Variants in RP1 observed in about 807,000 individuals in gnomAD.
The protein encoded by RP1 is oxygen-regulated protein 1.
In RP1, 16 loss-of-function variants were observed where a neutral mutation model predicts 14.8. The ratio of observed to expected loss-of-function variants is 1.08; its 90% confidence interval spans 0.73 to 1.65. RP1 has a LOEUF of 1.65. Ranked by LOEUF, RP1 falls within the 40% of genes most tolerant of loss-of-function variation. The pLI is 0.00. For synonymous variants in RP1, 876 were observed against 883.6 expected, an observed-to-expected ratio of 0.99 and a Z score of 0.15; for missense variants, 2,631 against 2,535.0, an observed-to-expected ratio of 1.04 and a Z score of -0.81.
At chr8:54,799,562 C>T (rs1001537748) in intron 24 of RP1, among the ~76,000 whole-genome samples, 1 of 151,942 alleles carries the variant, frequency 6.6e-6, no homozygotes, top group African/African-American at 2.4e-5. Flanking sequence ...TTTTTCTCCC[C>T]TTTTCCTGCC....
intron 20 of RP1, chr8:54,755,032 C>T (rs1563366931): frequency 7.7e-7 from 1 of 1,294,320 alleles, no homozygotes; most frequent in Non-Finnish European, 1.0e-6. Flanking sequence ...GAATATTTTT[C>T]CTGCTTCTAA....
downstream of RP1, among the ~76,000 whole-genome samples, chr8:54,774,726 A>G (rs1809992501): frequency 6.6e-6 from 1 of 152,208 alleles, no homozygotes; most frequent in African/African-American, 2.4e-5. Context: ...TCAACATAGC[A>G]GTGGAACGGA....
intron 3 of RP1, among the ~76,000 whole-genome samples, chr8:54,648,594 C>T (rs1806594965): frequency 6.6e-6 from 1 of 151,756 alleles, no homozygotes; most frequent in South Asian, 2.1e-4. Context: ...AAAAAATATC[C>T]TAAAAGGCAT....
chr8:54,574,981 T>G (rs1804610853), intron 1 of RP1, among the ~76,000 whole-genome samples: 1 of 152,202 alleles, frequency 6.6e-6, no homozygotes, highest in African/African-American at 2.4e-5. Flanking sequence ...TTTCTATATT[T>G]TATATTGAAA....
intron 1 of RP1, among the ~76,000 whole-genome samples, chr8:54,565,948 C>G (rs929389977): frequency 6.6e-6 from 1 of 152,126 alleles, no homozygotes; most frequent in Non-Finnish European, 1.5e-5. Context: ...GGTGTGCTGG[C>G]CATCTTTGAC....
At chr8:54,664,293 T>C (rs1360787451) in intron 7 of RP1, among the ~76,000 whole-genome samples, 1 of 152,202 alleles carries the variant, frequency 6.6e-6, no homozygotes, top group Non-Finnish European at 1.5e-5. Context: ...ATGATTTCAT[T>C]GATTAATGGA....
chr8:54,734,746 T>C lies in RP1; in HGVS notation c.2721+2T>C. On this transcript the variant is annotated splice_donor_variant, in intron 18 of 22. Transcript: ENST00000636932. LOFTEE classifies it high-confidence loss of function. ...CCAGGACACGAGGATGAGTTTCAGG[T>C]AAACAACACTGGCAGTAATATTTTC... 6.6e-7 allele frequency: 1 copy of C among 1,526,004 alleles called. No individual in the cohort carries two copies. The highest frequency in any genetic ancestry group is 8.8e-7 in the Non-Finnish European group (1 of 1,141,518). 94.5% of individuals were successfully genotyped at this position (1,526,004 alleles called of 1,614,324 possible).
intron 28 of RP1, among the ~76,000 whole-genome samples, chr8:54,869,612 A>C (rs1352926915): frequency 6.6e-6 from 1 of 152,184 alleles, no homozygotes; most frequent in African/African-American, 2.4e-5. Context: ...TAAAAGCCAA[A>C]ATTTTAGAGT....
intron 7 of RP1, among the ~76,000 whole-genome samples, chr8:54,666,457 A>G (rs551499249): frequency 6.6e-6 from 1 of 151,978 alleles, no homozygotes; most frequent in Non-Finnish European, 1.5e-5. Context: ...TTCCAGAGGT[A>G]GGTAATTTAG....
chr8:54,576,196 A>G (rs1456607281), intron 1 of RP1, among the ~76,000 whole-genome samples: 1 of 151,854 alleles, frequency 6.6e-6, no homozygotes, highest in Non-Finnish European at 1.5e-5. Context: ...GCGCGCCACC[A>G]CGCCCGGCTA....
At chr8:54,810,909 G>A (rs1288590144) in intron 24 of RP1, among the ~76,000 whole-genome samples, 2 of 152,142 alleles carry the variant, frequency 1.3e-5, no homozygotes, top group Non-Finnish European at 2.9e-5. Context: ...AGTAGTAAGA[G>A]GTTCAAATCT....
Position 54,626,387 on chromosome 8 carries a change from A to G in RP1, c.2505A>G (p.Ala835=). The change falls in exon 4 of 4, where the codon GCA becomes GCG. Residue 835 remains alanine (A), a synonymous_variant. Transcript: ENST00000220676. ...ILEQKPKDFY[A]PQSQAEVASG... ...AGCAAAAACCCAAAGATTTTTATGC[A>G]CCGCAATCTCAAGCAGAAGTGGCAT... is the stretch of plus-strand genomic sequence containing the variant. 2 of 1,613,610 alleles carry G rather than the reference A, an allele frequency of 1.2e-6. No individual in the cohort carries two copies. The highest frequency in any genetic ancestry group is 1.7e-6 in the Non-Finnish European group (2 of 1,179,882).
At chr8:54,792,952 GAA>G (rs1299704537) in intron 24 of RP1, among the ~76,000 whole-genome samples, 1 of 151,358 alleles carries the variant, frequency 6.6e-6, no homozygotes, top group Admixed American at 6.6e-5. Flanking sequence ...GACTAATCGA[GAA>G]AAAAAGTGGG....
chr8:54,854,305 A>C (rs1812137245), intron 26 of RP1, among the ~76,000 whole-genome samples: 1 of 152,198 alleles, frequency 6.6e-6, no homozygotes, highest in Non-Finnish European at 1.5e-5. Flanking sequence ...AAGAAAGTCA[A>C]ATATAGCAAA....
At chr8:54,833,400 G>T (rs1221126995) in intron 24 of RP1, among the ~76,000 whole-genome samples, 4 of 151,838 alleles carry the variant, frequency 2.6e-5, no homozygotes, top group Non-Finnish European at 5.9e-5. Context: ...GTTTTACAGC[G>T]CCCTCAAGCA....
intron 1 of RP1, among the ~76,000 whole-genome samples, chr8:54,586,150 G>C (rs899981679): frequency 1.3e-5 from 2 of 152,180 alleles, no homozygotes; most frequent in Non-Finnish European, 2.9e-5. Context: ...GGTCTTTGAT[G>C]ATGGTGACAA....
chr8:54,665,293 C>T (rs893469574), intron 7 of RP1, among the ~76,000 whole-genome samples: 1 of 152,132 alleles, frequency 6.6e-6, no homozygotes, highest in African/African-American at 2.4e-5. Flanking sequence ...AAGACAGCCA[C>T]CTCTCCCAAA....
chr8:54,609,361 G>A (rs1052110334), intron 1 of RP1, among the ~76,000 whole-genome samples: 1 of 152,052 alleles, frequency 6.6e-6, no homozygotes, highest in Non-Finnish European at 1.5e-5. Context: ...GGTTTAGGCT[G>A]GAGCATCACT....
In RP1 at chr8:54,621,057, C is replaced by A; in HGVS notation, c.91C>A (p.His31Asn). The A allele has an allele frequency of 6.2e-7, 1 of 1,614,192 alleles. No homozygotes were observed. The highest frequency in any genetic ancestry group is 8.5e-7 in the Non-Finnish European group (1 of 1,180,038). Residue 31 changes from histidine (H) to asparagine (N), a missense_variant, in exon 2 of 4, where the codon CAT (histidine) becomes AAT (asparagine). Physicochemically the swap from His to Asn is moderately conservative, Grantham distance 68. Coordinates refer to ENST00000220676, the MANE Select transcript of RP1 (RefSeq NM_006269.2). ...ACCCCCTCGCCATTTGAGCCTCACTCATCCTGTTGTGGCCAAGCGAATCAG... is the reference window on the plus strand; with the variant it reads ...ACCCCCTCGCCATTTGAGCCTCACTAATCCTGTTGTGGCCAAGCGAATCAG... ...VPPPRHLSLT[H>N]PVVAKRISFY...
Sources: allele counts gnomAD v4.1 joint callset (sites outside exome capture counted in the v4.1 genomes callset), GRCh38; gene constraint gnomAD v4.1.1; transcripts MANE v1.5; gene names NCBI Gene and HGNC (gene_info 2026-07-23, HGNC 2026-07-21).